Variants in PREX1 observed in about 807,000 individuals in gnomAD.
The protein encoded by PREX1 is phosphatidylinositol-3,4,5-trisphosphate dependent Rac exchange factor 1.
PREX1 carries 41 observed loss-of-function variants against 198.3 expected under a neutral mutation model. The observed-to-expected ratio is 0.21, with a 90% CI of 0.16 to 0.27. The LOEUF is 0.27. PREX1 is among the 10% of genes least tolerant of loss of function. PREX1 has a pLI of 1.00. For missense variants in PREX1, 1,620 were observed against 2,200.7 expected, an observed-to-expected ratio of 0.74 and a Z score of 5.28; for synonymous variants, 843 against 887.2, an observed-to-expected ratio of 0.95 and a Z score of 0.89.
intron 7 of PREX1, among the ~76,000 whole-genome samples, chr20:48,697,315 A>C (rs569826259): frequency 7.9e-5 from 12 of 152,258 alleles, no homozygotes; most frequent in African/African-American, 2.9e-4. Context: ...GACAGGCGCA[A>C]ACAGCTGACA....
At position 48,629,629 on chromosome 20, in the gene PREX1, G is replaced by A. The variant is rs199651011; in HGVS notation, c.4594-8C>T. ...ATTGATGGGGCGGATCAGCTGTAGG[G>A]GGTACCACACATAACCGGGGAGTTG... On this transcript the variant is annotated splice_polypyrimidine_tract_variant and splice_region_variant and intron_variant, in intron 36 of 39. Transcript: ENST00000371941. 1.8e-4 allele frequency: 293 copies of A among 1,613,482 alleles called. No individual in the cohort carries two copies. Among genetic ancestry groups the A allele is most frequent in the Non-Finnish European group, 2.2e-4 (255 of 1,179,672 alleles).
At position 48,747,867 on chromosome 20, in the gene PREX1, C is replaced by T. The variant is rs371419352; in HGVS notation, c.233G>A (p.Arg78His). ...TGAGTCGGCCACGTTCTGCCGGATG[C>T]GATGCAGGAATGCCTGGAGGAGAGA... ...LRFLQSAFLH[R>H]IRQNVADSVE... Residue 78 changes from arginine (R) to histidine (H), a missense_variant, in exon 2 of 40, where the codon CGC becomes CAC. By Grantham distance (29) the Arg-to-His change is conservative (BLOSUM62 0). This residue lies in a region of PREX1 where 488 missense variants were observed against 802.5 expected (regional missense o/e 0.61). Transcript: ENST00000371941. 3.1e-6 allele frequency: 5 copies of T among 1,612,758 alleles called. No homozygotes were observed. In the African/African-American group the frequency reaches 4.0e-5, roughly 13 times the overall value.
chr20:48,757,308 G>A (rs2090159768), intron 1 of PREX1, among the ~76,000 whole-genome samples: 1 of 152,198 alleles, frequency 6.6e-6, no homozygotes, highest in Non-Finnish European at 1.5e-5. Flanking sequence ...GTCAGTCCCA[G>A]GAGGGTGGCA....
chr20:48,853,670 G>A, the PREX1 span, among the ~76,000 whole-genome samples: 9 of 152,180 alleles, frequency 5.9e-5, no homozygotes, highest in South Asian at 2.1e-4. Flanking sequence ...CACATCCAAC[G>A]CACATGCACA....
intron 29 of PREX1, 65 bp from the exon 30 acceptor site, chr20:48,639,959 C>A: frequency 6.4e-7 from 1 of 1,560,382 alleles, no homozygotes; most frequent in Admixed American, 1.7e-5. Context: ...AACGGTGGCA[C>A]AAAGGCCTAT....
At chr20:48,745,265 A>C in intron 2 of PREX1, 118 bp from the exon 3 acceptor site, 1 of 1,092,786 alleles carries the variant, frequency 9.2e-7, no homozygotes, top group Non-Finnish European at 1.3e-6. Flanking sequence ...AGAACTCTCA[A>C]ACACCGGAAC....
At chr20:48,656,955 C>A in intron 18 of PREX1, 85 bp downstream of exon 18, 5 of 1,466,108 alleles carry the variant, frequency 3.4e-6, no homozygotes, top group Non-Finnish European at 3.6e-6. Context: ...CACGGGGGAC[C>A]AGGACAGTTC....
In PREX1 at chr20:48,637,309, C is replaced by T. The variant is rs117271362; in HGVS notation, c.3946+402G>A. On this transcript the variant is annotated intron_variant, in intron 31 of 39. Transcript: ENST00000371941. ...TGACCCAGATCCTGCAGTAGCACCCCCTTGGCTAATTTCTAGAAAGAAGGC... is the reference window on the plus strand; with the variant it reads ...TGACCCAGATCCTGCAGTAGCACCCTCTTGGCTAATTTCTAGAAAGAAGGC... Among the ~76,000 whole-genome samples the T allele has an allele frequency of 2.0e-5, 3 of 152,314 alleles. No individual in the cohort carries two copies. In the East Asian group the frequency reaches 5.8e-4, roughly 29 times the overall value.
At chr20:48,869,906 A>C in the PREX1 span, among the ~76,000 whole-genome samples, 2 of 152,120 alleles carry the variant, frequency 1.3e-5, no homozygotes, top group African/African-American at 4.8e-5. Context: ...TGGGCTTAAA[A>C]CCTAAATGAC....
intron 1 of PREX1, among the ~76,000 whole-genome samples, chr20:48,752,324 C>T (rs1002298619): frequency 1.3e-5 from 2 of 152,224 alleles, no homozygotes; most frequent in African/African-American, 4.8e-5. Flanking sequence ...ATGTTCACAA[C>T]ATTTTTATAA....
At chr20:48,676,860 T>G (rs1444615274) in intron 13 of PREX1, among the ~76,000 whole-genome samples, 1 of 152,218 alleles carries the variant, frequency 6.6e-6, no homozygotes, top group Non-Finnish European at 1.5e-5. Flanking sequence ...GGAAAGCCCC[T>G]GCAAGGGGCT....
intron 1 of PREX1, among the ~76,000 whole-genome samples, chr20:48,770,491 A>G (rs1327867807): frequency 6.6e-6 from 1 of 152,168 alleles, no homozygotes; most frequent in Non-Finnish European, 1.5e-5. Flanking sequence ...CAGGTGGATC[A>G]CCTGAGGTCA....
rs561700627 is a variant in PREX1, at chr20:48,665,151, G to A, written c.1738+1132C>T. On this transcript the variant is annotated intron_variant, in intron 15 of 39. Coordinates refer to ENST00000371941, the MANE Select transcript of PREX1 (RefSeq NM_020820.4). ...CCAGACGGCCTGAATTCTAATCCCGGCCCCAGACGGCCTGAATTATAATCC... is the reference window on the plus strand; with the variant it reads ...CCAGACGGCCTGAATTCTAATCCCGACCCCAGACGGCCTGAATTATAATCC... Among the ~76,000 whole-genome samples, 527 of 143,570 alleles carry A rather than the reference G, an allele frequency of 3.7e-3. 1 individual carries two copies. The highest frequency in any genetic ancestry group is 5.4e-3 in the Non-Finnish European group (352 of 65,774). The allele number at this position is 143,570 out of a possible 152,430, so 94.2% of individuals were successfully genotyped here. A position where few individuals can be genotyped will look rare whatever the true frequency, so the allele number is the denominator to read the frequency against.
At position 48,691,136 on chromosome 20, in the gene PREX1, C is replaced by T. The variant is rs1334876901; in HGVS notation, c.1037-40G>A. On this transcript the variant is annotated intron_variant, in intron 8 of 39. Coordinates refer to ENST00000371941, the MANE Select transcript of PREX1 (RefSeq NM_020820.4). The surrounding 1 kb of genome is among the most constrained non-coding windows in gnomAD (Gnocchi z 5.0). Reference sequence around the variant, plus strand: ...AGGCAAAGGTGCAGCAGAGACTCAGCCGCGTGACCTTCAACACTCCCCATT... The same window carrying T: ...AGGCAAAGGTGCAGCAGAGACTCAGTCGCGTGACCTTCAACACTCCCCATT... The T allele has an allele frequency of 6.2e-7, 1 of 1,613,468 alleles. No homozygotes were observed. Among genetic ancestry groups the T allele is most frequent in the Non-Finnish European group, 8.5e-7 (1 of 1,179,576 alleles).
chr20:48,870,300 A>G, the PREX1 span, among the ~76,000 whole-genome samples: 1 of 152,174 alleles, frequency 6.6e-6, no homozygotes, highest in Non-Finnish European at 1.5e-5. Flanking sequence ...ATACAAACAA[A>G]CATGCCAGTG....
In PREX1 at chr20:48,750,124, C is replaced by T. The variant is rs149190822; in HGVS notation, c.220-2244G>A. ...AGGGCTCTAGCCAAAACCCACTAGC[C>T]GTCCTCAGCCCCTCTCCTCTGACAC... On this transcript the variant is annotated intron_variant, in intron 1 of 39. Transcript: ENST00000371941. Among the ~76,000 whole-genome samples the T allele has an allele frequency of 1.8e-3, 270 of 152,262 alleles. 1 individual carries two copies. The highest frequency in any genetic ancestry group is 6.1e-3 in the African/African-American group (252 of 41,546).
intron 1 of PREX1, among the ~76,000 whole-genome samples, chr20:48,811,031 A>G (rs1188276089): frequency 6.6e-6 from 1 of 152,222 alleles, no homozygotes; most frequent in Non-Finnish European, 1.5e-5. Flanking sequence ...TGTGCCCTGC[A>G]GAAGGGGCAG....
At chr20:48,814,457 G>T (rs1241366906) in intron 1 of PREX1, among the ~76,000 whole-genome samples, 1 of 152,052 alleles carries the variant, frequency 6.6e-6, no homozygotes, top group African/African-American at 2.4e-5. Flanking sequence ...GAAAGAGAAA[G>T]GGGGGTCCTT....
chr20:48,674,151 T>C (rs987623582), intron 14 of PREX1, among the ~76,000 whole-genome samples: 1 of 152,196 alleles, frequency 6.6e-6, no homozygotes. Flanking sequence ...GGAATTCAAA[T>C]CCAGATATTT....
Sources: gnomAD v4.1 joint callset for allele counts (sites outside exome capture counted in the v4.1 genomes callset) on GRCh38, gnomAD v4.1.1 for gene constraint, gnomAD v4.1.1 regional missense constraint, Gnocchi (gnomAD v3.1) non-coding constraint, MANE v1.5 for transcripts, NCBI Gene and HGNC (gene_info 2026-07-23, HGNC 2026-07-21) for gene names.